B3GALNT2: variants seen among roughly 807,000 people sequenced by gnomAD.
B3GALNT2 encodes the protein beta-1,3-N-acetylgalactosaminyltransferase 2.
Under a neutral mutation model 61.1 loss-of-function variants are expected in B3GALNT2, and 53 were observed. The ratio of observed to expected loss-of-function variants is 0.87; its 90% CI spans 0.70 to 1.09. B3GALNT2 has a LOEUF of 1.09. B3GALNT2 is among the 50% of genes least tolerant of loss of function. The pLI, the probability that B3GALNT2 is intolerant of heterozygous loss-of-function variation, is 0.00. For synonymous variants in B3GALNT2, 223 were observed against 237.4 expected, an observed-to-expected ratio of 0.94 and a Z score of 0.56; for missense variants, 544 against 623.0, an observed-to-expected ratio of 0.87 and a Z score of 1.35.
intron 9 of B3GALNT2, 118 bp downstream of exon 9, chr1:235,455,441 G>A (rs1195267926): frequency 9.3e-7 from 1 of 1,080,924 alleles, no homozygotes; most frequent in Non-Finnish European, 1.3e-6. Context: ...AAACCCAGGA[G>A]TCTAGTACGA....
intron 3 of B3GALNT2, 75 bp from the exon 4 acceptor site, chr1:235,484,590 G>C (rs1462947320): frequency 2.1e-6 from 3 of 1,442,734 alleles, no homozygotes; most frequent in Admixed American, 2.4e-5. Context: ...TAGTGAAGTG[G>C]GCTTAATGCC....
rs141236138 is a variant in B3GALNT2, at chr1:235,486,988, G to A, written c.361+2180C>T. Among the ~76,000 whole-genome samples the A allele has an allele frequency of 9.1e-3, 1,377 of 152,040 alleles. 9 individuals carry two copies. The highest frequency in any genetic ancestry group is 0.037 in the Middle Eastern group (11 of 294). ...GTTTGAGACTAGCCTGGCCAATGTG[G>A]TGAAACCCCATCTCTACTAAAAATA... is the stretch of plus-strand genomic sequence containing the variant. On this transcript the variant is annotated intron_variant, in intron 3 of 11. Coordinates refer to ENST00000366600, the MANE Select transcript of B3GALNT2 (RefSeq NM_152490.5).
intron 6 of B3GALNT2, among the ~76,000 whole-genome samples, chr1:235,466,190 TATTG>T (rs1391887552): frequency 1.3e-5 from 2 of 151,518 alleles, no homozygotes; most frequent in Admixed American, 6.6e-5. Context: ...CTCTACTGTA[TATTG>T]ATTAAAAAAA....
In B3GALNT2 at chr1:235,450,127, A is replaced by C; in HGVS notation, c.*79T>G. 4.5e-6 allele frequency: 7 copies of C among 1,547,334 alleles called. No individual in the cohort carries two copies. The highest frequency in any genetic ancestry group is 1.7e-5 in the Admixed American group (1 of 59,682). ...TGAAAGACCATACAGTCTACTGCTA[A>C]ACCCTGGGACTCCTCAGACTTGCAC... On this transcript the variant is annotated 3_prime_UTR_variant, in exon 12 of 12. Transcript: ENST00000366600.
Position 235,448,624 on chromosome 1 carries a change from G to C in B3GALNT2, c.*1582C>G. Reference sequence around the variant, plus strand: ...AAGAGTATGTGTAGCATGCTTTATCGGATCTGTCTTAATCACATCCTTCCC... The same window carrying C: ...AAGAGTATGTGTAGCATGCTTTATCCGATCTGTCTTAATCACATCCTTCCC... On this transcript the variant is annotated 3_prime_UTR_variant, in exon 12 of 12. Transcript: ENST00000366600. 6.5e-7 allele frequency: 1 copy of C among 1,529,460 alleles called. No homozygotes were observed. Among genetic ancestry groups the C allele is most frequent in the Non-Finnish European group, 9.1e-7 (1 of 1,103,670 alleles). The allele number at this position is 1,529,460 out of a possible 1,614,324, so 94.7% of individuals were successfully genotyped here.
intron 6 of B3GALNT2, among the ~76,000 whole-genome samples, chr1:235,470,253 G>A (rs1683923458): frequency 6.6e-6 from 1 of 152,056 alleles, no homozygotes; most frequent in East Asian, 1.9e-4. Context: ...TAAATACTCT[G>A]AATACTACTG....
chr1:235,454,460 T>TG lies in B3GALNT2; in HGVS notation c.1152-146dup, dbSNP rs573626841. 61 of 901,770 alleles carry TG rather than the reference T, an allele frequency of 6.8e-5. No homozygotes were observed. The East Asian group carries it at 1.9e-3, about 28-fold the overall frequency. The allele number at this position is 901,770 out of a possible 1,614,324, so 55.9% of individuals were successfully genotyped here. A position where few individuals can be genotyped will look rare whatever the true frequency, so the allele number is the denominator to read the frequency against. ...TAAGAAAATTTCTTTTTTTTTGAGA[T>TG]GGAGTTTTGCTCTTGTTGCTCAGGC... On this transcript the variant is annotated intron_variant, in intron 9 of 11. Transcript: ENST00000366600.
At chr1:235,468,349 T>C (rs1033045591) in intron 6 of B3GALNT2, among the ~76,000 whole-genome samples, 2 of 152,136 alleles carry the variant, frequency 1.3e-5, no homozygotes, top group Admixed American at 6.6e-5. Context: ...AGGTTAACTG[T>C]ATGTTTAAGC....
At chr1:235,492,626 T>A (rs962502068) in intron 2 of B3GALNT2, among the ~76,000 whole-genome samples, 1 of 152,224 alleles carries the variant, frequency 6.6e-6, no homozygotes, top group African/African-American at 2.4e-5. Flanking sequence ...GAAACCTACA[T>A]TCAAGTGGAG....
intron 7 of B3GALNT2, among the ~76,000 whole-genome samples, chr1:235,459,288 G>A (rs1213250024): frequency 1.3e-5 from 2 of 152,138 alleles, no homozygotes; most frequent in Non-Finnish European, 2.9e-5. Context: ...AATACAATAT[G>A]ACACCACAGA....
downstream of B3GALNT2, among the ~76,000 whole-genome samples, chr1:235,446,279 A>C (rs1682279006): frequency 6.6e-6 from 1 of 151,960 alleles, no homozygotes; most frequent in Non-Finnish European, 1.5e-5. Context: ...GGGTTCAAGC[A>C]ACTCTCCCGG....
chr1:235,474,983 A>ATTT lies in B3GALNT2; in HGVS notation c.652-4024_652-4023insAAA, dbSNP rs1558425497. 1.3e-3 allele frequency among the ~76,000 whole-genome samples: 52 copies of ATTT among 38,990 alleles called. 1 individual carries two copies. Among genetic ancestry groups the ATTT allele is most frequent in the Non-Finnish European group, 2.0e-3 (48 of 23,716 alleles). 25.6% of individuals were successfully genotyped at this position (38,990 alleles called of 152,430 possible). A position where few individuals can be genotyped will look rare whatever the true frequency, so the allele number is the denominator to read the frequency against. On this transcript the variant is annotated intron_variant, in intron 5 of 11. Coordinates refer to ENST00000366600, the MANE Select transcript of B3GALNT2 (RefSeq NM_152490.5). ...TATATATATATATATATATATATAT[A>ATTT]TATATTTTTTTTTTTTTTTTTTTTT...
chr1:235,488,577 G>A (rs945479648), intron 3 of B3GALNT2, among the ~76,000 whole-genome samples: 2 of 149,904 alleles, frequency 1.3e-5, no homozygotes, highest in African/African-American at 4.9e-5. Flanking sequence ...ATCTACTTAA[G>A]AGAGGCTGAG....
At position 235,474,975 on chromosome 1, in the gene B3GALNT2, ATATATATATATATTTTTTTTT is replaced by A. The variant is rs1397205098; in HGVS notation, c.652-4036_652-4016del. Among the ~76,000 whole-genome samples the A allele has an allele frequency of 2.2e-3, 63 of 28,128 alleles. 2 individuals carry two copies. The highest frequency in any genetic ancestry group is 0.014 in the African/African-American group (62 of 4,518). 18.5% of individuals were successfully genotyped at this position (28,128 alleles called of 152,430 possible). A position where few individuals can be genotyped will look rare whatever the true frequency, so the allele number is the denominator to read the frequency against. On this transcript the variant is annotated intron_variant, in intron 5 of 11. Transcript: ENST00000366600. ...CATATATATATATATATATATATAT[ATATATATATATATTTTTTTTT>A]TTTTTTTTTTTTTTGAGACGGAGTC...
At chr1:235,490,876 C>A (rs866335311) in intron 2 of B3GALNT2, among the ~76,000 whole-genome samples, 1 of 152,066 alleles carries the variant, frequency 6.6e-6, no homozygotes, top group Non-Finnish European at 1.5e-5. Context: ...ATCTTTCCCC[C>A]ACTCTGTGTT....
intron 3 of B3GALNT2, among the ~76,000 whole-genome samples, chr1:235,487,411 T>C (rs912878717): frequency 2.7e-4 from 41 of 152,196 alleles, no homozygotes; most frequent in Admixed American, 2.4e-3. Flanking sequence ...GGAACTATTA[T>C]TCTAAATACA....
chr1:235,478,232 T>A (rs1684381704), intron 5 of B3GALNT2, among the ~76,000 whole-genome samples: 1 of 152,126 alleles, frequency 6.6e-6, no homozygotes, highest in Non-Finnish European at 1.5e-5. Flanking sequence ...TTTGTATTTT[T>A]AGTAGAGACG....
chr1:235,461,507 G>GTTTTTT (rs57611133), intron 7 of B3GALNT2, among the ~76,000 whole-genome samples: 3 of 63,378 alleles, frequency 4.7e-5, no homozygotes, highest in African/African-American at 6.9e-5. Context: ...ATGACCTCCT[G>GTTTTTT]TTTTTTTTTT....
At chr1:235,481,298 T>C (rs1572533350) in intron 4 of B3GALNT2, among the ~76,000 whole-genome samples, 1 of 152,306 alleles carries the variant, frequency 6.6e-6, no homozygotes, top group African/African-American at 2.4e-5. Flanking sequence ...GATCAAAATA[T>C]TGTATGTCTG....
Sources: gnomAD v4.1 joint callset for allele counts (sites outside exome capture counted in the v4.1 genomes callset) on GRCh38, gnomAD v4.1.1 for gene constraint, MANE v1.5 for transcripts, NCBI Gene and HGNC (gene_info 2026-07-23, HGNC 2026-07-21) for gene names.